The following HECW1 variants were observed in gnomAD, a reference collection of about 807,000 sequenced individuals.
HECW1 encodes the protein E3 ubiquitin-protein ligase HECW1.
A neutral mutation model predicts 182.3 loss-of-function variants in HECW1; 61 were observed. The ratio of observed to expected loss-of-function variants is 0.33; its 90% CI spans 0.27 to 0.41. HECW1 has a LOEUF of 0.41. Among genes scored for constraint, HECW1 ranks in the 10% least tolerant of loss-of-function variants. HECW1 has a pLI of 1.00. For missense variants in HECW1, 1,739 were observed against 2,108.9 expected, an observed-to-expected ratio of 0.82 and a Z score of 3.44; for synonymous variants, 859 against 832.6, an observed-to-expected ratio of 1.03 and a Z score of -0.55.
chr7:43,202,793 A>AG (rs1795128904), intron 2 of HECW1, among the ~76,000 whole-genome samples: 1 of 152,228 alleles, frequency 6.6e-6, no homozygotes, highest in Non-Finnish European at 1.5e-5. Context: ...CAAGTGAAGA[A>AG]TCACGAAAGA....
chr7:43,326,715 T>C (rs1012374212), intron 5 of HECW1, among the ~76,000 whole-genome samples: 17 of 152,240 alleles, frequency 1.1e-4, no homozygotes, highest in African/African-American at 3.9e-4. Context: ...TGGTGACAAT[T>C]GAGACATGAA....
At chr7:43,412,411 A>G (rs536779625) in intron 8 of HECW1, among the ~76,000 whole-genome samples, 22 of 148,116 alleles carry the variant, frequency 1.5e-4, no homozygotes, top group African/African-American at 5.0e-4. Flanking sequence ...CCTATTTCTA[A>G]TGCTTTTCAT....
At chr7:43,266,591 C>G (rs188108717) in intron 3 of HECW1, among the ~76,000 whole-genome samples, 112 of 152,316 alleles carry the variant, frequency 7.4e-4, no homozygotes, top group African/African-American at 2.6e-3. Flanking sequence ...GCCTCGGCCT[C>G]CCAAAGTGCT....
intron 24 of HECW1, among the ~76,000 whole-genome samples, chr7:43,533,851 T>A (rs1245830529): frequency 6.6e-6 from 1 of 152,136 alleles, no homozygotes; most frequent in Non-Finnish European, 1.5e-5. Context: ...CTGAAGCTTA[T>A]CAGGGAGTAT....
intron 26 of HECW1, 138 bp from the exon 27 acceptor site, chr7:43,550,307 A>G: frequency 1.1e-6 from 1 of 921,672 alleles, no homozygotes; most frequent in Non-Finnish European, 1.6e-6. Context: ...AGCAAGGAAA[A>G]AAGACTCCAG....
At chr7:43,500,510 T>C (rs2079303516) in intron 19 of HECW1, among the ~76,000 whole-genome samples, 189 bp from the exon 20 acceptor site, 1 of 152,168 alleles carries the variant, frequency 6.6e-6, no homozygotes, top group Non-Finnish European at 1.5e-5. Context: ...TGCAAGTCTG[T>C]AGAAAAGCCA....
intron 3 of HECW1, among the ~76,000 whole-genome samples, chr7:43,244,708 T>C (rs1336028453): frequency 2.6e-5 from 4 of 152,228 alleles, no homozygotes; most frequent in Admixed American, 2.0e-4. Flanking sequence ...GAGGTCTGCC[T>C]GTCTGAGCTG....
chr7:43,491,243 G>A (rs956157799), intron 17 of HECW1, among the ~76,000 whole-genome samples: 3 of 152,274 alleles, frequency 2.0e-5, no homozygotes, highest in East Asian at 1.9e-4. Context: ...CCTGTCTTAC[G>A]GTTGTAAACC....
chr7:43,164,486 GA>G (rs1790887177), intron 2 of HECW1, among the ~76,000 whole-genome samples: 1 of 152,178 alleles, frequency 6.6e-6, no homozygotes, highest in Non-Finnish European at 1.5e-5. Context: ...GCCTTGAGTG[GA>G]GGGGGCTGCT....
At chr7:43,437,313 C>G (rs1196885432) in intron 8 of HECW1, among the ~76,000 whole-genome samples, 1 of 152,160 alleles carries the variant, frequency 6.6e-6, no homozygotes. Context: ...CTTCACTTAA[C>G]CAGTTTCCTC....
chr7:43,547,241 T>C (rs1458576047), intron 26 of HECW1, among the ~76,000 whole-genome samples: 2 of 152,178 alleles, frequency 1.3e-5, no homozygotes, highest in South Asian at 2.1e-4. Flanking sequence ...CTAGCAATAC[T>C]GCACTCACAT....
chr7:43,288,461 G>A (rs1412200946), intron 3 of HECW1, among the ~76,000 whole-genome samples: 1 of 152,180 alleles, frequency 6.6e-6, no homozygotes, highest in Admixed American at 6.5e-5. Flanking sequence ...AAGAGAAAAT[G>A]TGCACTGTGT....
intron 6 of HECW1, among the ~76,000 whole-genome samples, chr7:43,367,947 C>T (rs1816849796): frequency 6.6e-6 from 1 of 152,214 alleles, no homozygotes; most frequent in African/African-American, 2.4e-5. Context: ...TCCACTTCCT[C>T]AGCCCTTCTG....
intron 27 of HECW1, among the ~76,000 whole-genome samples, chr7:43,551,931 G>A (rs2081844831): frequency 6.6e-6 from 1 of 151,740 alleles, no homozygotes; most frequent in South Asian, 2.1e-4. Flanking sequence ...GGTCTGTCTT[G>A]GGCGTGTTTA....
chr7:43,492,009 C>A, intron 17 of HECW1, 66 bp from the exon 18 acceptor site: 1 of 1,149,018 alleles, frequency 8.7e-7, no homozygotes, highest in Non-Finnish European at 1.3e-6. Flanking sequence ...GGTTGAAAAA[C>A]TGGTATCAAG....
chr7:43,381,690 A>C (rs2074558211), intron 6 of HECW1, among the ~76,000 whole-genome samples: 1 of 151,968 alleles, frequency 6.6e-6, no homozygotes, highest in African/African-American at 2.4e-5. Flanking sequence ...CACCCAGCTA[A>C]TTTTTGTATT....
At chr7:43,451,712 T>C (rs1375663482) in intron 12 of HECW1, among the ~76,000 whole-genome samples, 3 of 152,210 alleles carry the variant, frequency 2.0e-5, no homozygotes, top group Admixed American at 6.5e-5. Flanking sequence ...TAGGAAGAAA[T>C]TGATACCCCA....
rs966682748 is a variant in HECW1, at chr7:43,312,091, A to G, written c.352+4A>G. The G allele has an allele frequency of 5.0e-6, 8 of 1,608,240 alleles. No individual in the cohort carries two copies. The highest frequency in any genetic ancestry group is 6.8e-6 in the Non-Finnish European group (8 of 1,175,060). ...TGGATTGGCATGTACCTCATTGGTGAGTAGAATGTGCCAAGTGTATTATTC... is the reference window on the plus strand; with the variant it reads ...TGGATTGGCATGTACCTCATTGGTGGGTAGAATGTGCCAAGTGTATTATTC... On this transcript the variant is annotated splice_donor_region_variant and intron_variant, in intron 4 of 29. Transcript: ENST00000395891.
Position 43,112,707 on chromosome 7 carries a change from C to G in HECW1, c.-497C>G, listed in dbSNP as rs534898641. ...CGACTCTGACCGAACCGGCCCCCTCCTCGCGCACACACTCGCCGAGCCGCG... is the reference window on the plus strand; with the variant it reads ...CGACTCTGACCGAACCGGCCCCCTCGTCGCGCACACACTCGCCGAGCCGCG... On this transcript the variant is annotated 5_prime_UTR_variant, in exon 1 of 30. Transcript: ENST00000395891. 1 of 230,986 alleles carries G rather than the reference C, an allele frequency of 4.3e-6. No individual in the cohort carries two copies. Among genetic ancestry groups the G allele is most frequent in the African/African-American group, 2.2e-5 (1 of 45,268 alleles). 14.3% of individuals were successfully genotyped at this position (230,986 alleles called of 1,614,324 possible).
Sources: allele counts gnomAD v4.1 joint callset (sites outside exome capture counted in the v4.1 genomes callset), GRCh38; gene constraint gnomAD v4.1.1; transcripts MANE v1.5; gene names NCBI Gene and HGNC (gene_info 2026-07-23, HGNC 2026-07-21).